The following FRMD5 variants were observed in gnomAD, a reference collection of about 807,000 sequenced individuals.
The protein encoded by FRMD5 is FERM domain containing 5, also known as FERM domain-containing protein 5.
FRMD5 carries 20 observed loss-of-function variants against 69.0 expected under a neutral mutation model. The observed-to-expected ratio is 0.29, with a 90% CI of 0.20 to 0.42. The LOEUF (loss-of-function observed/expected upper bound fraction) is 0.42, where lower values mean the gene tolerates loss of function less well. Ranked by LOEUF, FRMD5 falls within the 10% of genes least tolerant of loss-of-function variation. FRMD5 has a pLI of 1.00. For synonymous variants in FRMD5, 271 were observed against 260.1 expected (o/e 1.04, Z -0.40); for missense variants, 595 against 708.6 (o/e 0.84, Z 1.82).
At chr15:44,190,926 G>A (rs997836397) in intron 1 of FRMD5, among the ~76,000 whole-genome samples, 6 of 152,174 alleles carry the variant, frequency 3.9e-5, no homozygotes, top group Non-Finnish European at 8.8e-5. Context: ...TGCCTGGCAA[G>A]CACAGGGCTC....
At chr15:43,882,482 C>G (rs1391815024) in intron 13 of FRMD5, among the ~76,000 whole-genome samples, 2 of 152,018 alleles carry the variant, frequency 1.3e-5, no homozygotes, top group Non-Finnish European at 2.9e-5. Context: ...CCTCAACCCC[C>G]CAAGTAGCTG....
intron 1 of FRMD5, among the ~76,000 whole-genome samples, chr15:44,013,177 C>G (rs903625960): frequency 6.6e-6 from 1 of 152,064 alleles, no homozygotes; most frequent in East Asian, 1.9e-4. Flanking sequence ...CTGCTTGAGG[C>G]GAGGAGTTTA....
At chr15:43,885,858 G>A (rs2088650585) in intron 10 of FRMD5, 103 bp from the exon 11 acceptor site, 1 of 888,704 alleles carries the variant, frequency 1.1e-6, no homozygotes. Context: ...GAAACTTCAG[G>A]AAAAAAGCCC....
intron 1 of FRMD5, among the ~76,000 whole-genome samples, chr15:44,093,664 C>T (rs1275203141): frequency 6.6e-6 from 1 of 151,840 alleles, no homozygotes; most frequent in East Asian, 1.9e-4. Flanking sequence ...GCTCCATCTC[C>T]CGGGTTCACG....
chr15:43,960,128 G>A (rs1028357180), intron 1 of FRMD5, among the ~76,000 whole-genome samples: 6 of 151,948 alleles, frequency 3.9e-5, no homozygotes, highest in African/African-American at 1.2e-4. Context: ...TCGCTCTGTC[G>A]CCCAGGCTGG....
At chr15:44,161,336 T>C (rs766238687) in intron 1 of FRMD5, among the ~76,000 whole-genome samples, 5 of 152,184 alleles carry the variant, frequency 3.3e-5, no homozygotes, top group Non-Finnish European at 7.3e-5. Flanking sequence ...CACCTCTGAG[T>C]ATAGAATATA....
intron 5 of FRMD5, among the ~76,000 whole-genome samples, chr15:43,906,734 T>C (rs964561291): frequency 3.4e-5 from 5 of 145,326 alleles, no homozygotes; most frequent in Admixed American, 6.7e-5. Flanking sequence ...CCCGCGTAGC[T>C]GGGACTACAG....
At chr15:44,122,492 T>C (rs2076967056) in intron 1 of FRMD5, among the ~76,000 whole-genome samples, 1 of 151,966 alleles carries the variant, frequency 6.6e-6, no homozygotes, top group South Asian at 2.1e-4. Flanking sequence ...GGCAGGAAGA[T>C]CGCTTGAGCC....
intron 1 of FRMD5, among the ~76,000 whole-genome samples, chr15:44,031,969 A>T (rs1392525346): frequency 6.6e-6 from 1 of 152,176 alleles, no homozygotes; most frequent in Non-Finnish European, 1.5e-5. Flanking sequence ...AGTCTACAGT[A>T]CCCAAAACAG....
chr15:44,174,774 C>T (rs990786726), intron 1 of FRMD5, among the ~76,000 whole-genome samples: 1 of 152,054 alleles, frequency 6.6e-6, no homozygotes. Context: ...TGTATGAATC[C>T]ATTTCAGACT....
At chr15:44,032,685 T>G (rs894390578) in intron 1 of FRMD5, among the ~76,000 whole-genome samples, 6 of 152,248 alleles carry the variant, frequency 3.9e-5, no homozygotes, top group Admixed American at 3.3e-4. Context: ...AGGCTATTAT[T>G]AAAAAGTCAA....
chr15:43,871,159 A>G lies in FRMD5; in HGVS notation c.*2726T>C, dbSNP rs1439150382. The G allele has an allele frequency of 6.6e-6, 1 of 152,260 alleles. No individual in the cohort carries two copies. Among genetic ancestry groups the G allele is most frequent in the East Asian group, 1.9e-4 (1 of 5,206 alleles). The allele number at this position is 152,260 out of a possible 1,614,324, so 9.4% of individuals were successfully genotyped here. A position where few individuals can be genotyped will look rare whatever the true frequency, so the allele number is the denominator to read the frequency against. On this transcript the variant is annotated 3_prime_UTR_variant, in exon 14 of 14. Coordinates refer to ENST00000417257, the MANE Select transcript of FRMD5 (RefSeq NM_032892.5). ...AGGTGGAGATATACCAAAAAAGACTAGTCACCAATCAAAGGAGGTTTATTA... is the reference window on the plus strand; with the variant it reads ...AGGTGGAGATATACCAAAAAAGACTGGTCACCAATCAAAGGAGGTTTATTA...
chr15:44,087,327 T>C (rs1894240095), intron 1 of FRMD5, among the ~76,000 whole-genome samples: 1 of 152,138 alleles, frequency 6.6e-6, no homozygotes, highest in Non-Finnish European at 1.5e-5. Flanking sequence ...GCCCAAGTTT[T>C]AAAATAGAGT....
intron 1 of FRMD5, among the ~76,000 whole-genome samples, chr15:44,100,415 G>A (rs546421297): frequency 6.6e-5 from 10 of 152,128 alleles, no homozygotes; most frequent in African/African-American, 2.4e-4. Flanking sequence ...TCACCTAGCA[G>A]CAAATGGAAT....
At chr15:43,968,414 A>C (rs2090327875) in intron 1 of FRMD5, among the ~76,000 whole-genome samples, 2 of 152,244 alleles carry the variant, frequency 1.3e-5, no homozygotes. Flanking sequence ...AGATGTGAGA[A>C]GTTGAAGAGC....
chr15:44,163,422 T>C (rs2077656536), intron 1 of FRMD5, among the ~76,000 whole-genome samples: 1 of 152,220 alleles, frequency 6.6e-6, no homozygotes, highest in Admixed American at 6.5e-5. Context: ...TTGGGCATTC[T>C]AATACTTTTT....
chr15:44,083,025 G>A (rs569387665), intron 1 of FRMD5, among the ~76,000 whole-genome samples: 6 of 152,066 alleles, frequency 3.9e-5, no homozygotes, highest in African/African-American at 9.6e-5. Context: ...TACTCTGTAC[G>A]TGATTCACTG....
rs190437532 is a variant in FRMD5 at position 44,075,788 on chromosome 15, C to T, written c.102+119165G>A. On this transcript the variant is annotated intron_variant, in intron 1 of 13. Coordinates refer to ENST00000417257, the MANE Select transcript of FRMD5 (RefSeq NM_032892.5). ...CTCCCCTGATATGAGAGCAGGAGCT[C>T]GTGAAAGCACAAGTCCCGACAAGCA... is the stretch of plus-strand genomic sequence containing the variant. Among the ~76,000 whole-genome samples the T allele has an allele frequency of 5.9e-5, 9 of 152,222 alleles. No individual in the cohort carries two copies. In the East Asian group the frequency reaches 1.4e-3, roughly 23 times the overall value.
At chr15:44,199,458 G>C (rs1185625622), upstream of FRMD5, among the ~76,000 whole-genome samples, 1 of 152,044 alleles carries the variant, frequency 6.6e-6, no homozygotes, top group African/African-American at 2.4e-5. Context: ...TCCTTACCTA[G>C]GTTAGGGTCC....
Sources: gnomAD v4.1 joint callset for allele counts (sites outside exome capture counted in the v4.1 genomes callset) on GRCh38, gnomAD v4.1.1 for gene constraint, MANE v1.5 for transcripts, NCBI Gene and HGNC (gene_info 2026-07-23, HGNC 2026-07-21) for gene names.